Variants in RALGAPA1 observed in about 807,000 individuals in gnomAD.
RALGAPA1 encodes Ral GTPase activating protein catalytic subunit alpha 1, also known as ral GTPase-activating protein subunit alpha-1.
Under a neutral mutation model 269.6 loss-of-function variants are expected in RALGAPA1, and 52 were observed. The ratio of observed to expected loss-of-function variants is 0.19; its 90% CI spans 0.15 to 0.24. The LOEUF is 0.24. Among genes scored for constraint, RALGAPA1 ranks in the 10% least tolerant of loss-of-function variants. The pLI, the probability that RALGAPA1 is intolerant of heterozygous loss-of-function variation, is 1.00. For synonymous variants in RALGAPA1, 817 were observed against 1,008.3 expected, an observed-to-expected ratio of 0.81 and a Z score of 3.60; for missense variants, 1,917 against 3,013.9, an observed-to-expected ratio of 0.64 and a Z score of 8.52.
chr14:35,559,939 A>T (rs1481231280), intron 39 of RALGAPA1, among the ~76,000 whole-genome samples: 1 of 152,232 alleles, frequency 6.6e-6, no homozygotes, highest in African/African-American at 2.4e-5. Context: ...TGCTCTTTTA[A>T]AAATGATACA....
chr14:35,671,528 G>T lies in RALGAPA1; in HGVS notation c.5074-11C>A. 6.9e-7 allele frequency: 1 copy of T among 1,456,702 alleles called. No individual in the cohort carries two copies. The highest frequency in any genetic ancestry group is 9.6e-7 in the Non-Finnish European group (1 of 1,045,108). 90.2% of individuals were successfully genotyped at this position (1,456,702 alleles called of 1,614,324 possible). A position where few individuals can be genotyped will look rare whatever the true frequency, so the allele number is the denominator to read the frequency against. On this transcript the variant is annotated splice_polypyrimidine_tract_variant and intron_variant, in intron 25 of 41. Coordinates refer to ENST00000680220, the MANE Select transcript of RALGAPA1 (RefSeq NM_001346249.2). Reference sequence around the variant, plus strand: ...TGTATTGACAATATCCTTAGAATAAGGAAAGAAGGAAAAAAGAATATCACA... The same window carrying T: ...TGTATTGACAATATCCTTAGAATAATGAAAGAAGGAAAAAAGAATATCACA...
At chr14:35,575,650 AATGGTGCAACCTT>A (rs1423518534) in intron 37 of RALGAPA1, among the ~76,000 whole-genome samples, 1 of 152,158 alleles carries the variant, frequency 6.6e-6, no homozygotes, top group Non-Finnish European at 1.5e-5. Flanking sequence ...GCTGGAGTGC[AATGGTGCAACCTT>A]GGCTCACTGC....
chr14:35,558,754 C>A (rs1371069469), intron 39 of RALGAPA1, among the ~76,000 whole-genome samples: 1 of 152,128 alleles, frequency 6.6e-6, no homozygotes, highest in Non-Finnish European at 1.5e-5. Flanking sequence ...CTGTTCAGAG[C>A]AGTTTGCAAC....
At chr14:35,633,206 T>C (rs944353261) in intron 33 of RALGAPA1, among the ~76,000 whole-genome samples, 1 of 152,174 alleles carries the variant, frequency 6.6e-6, no homozygotes, top group African/African-American at 2.4e-5. Flanking sequence ...TTGTCTTGAA[T>C]AAAAACTGCC....
chr14:35,625,087 C>T (rs1375364167), intron 35 of RALGAPA1, among the ~76,000 whole-genome samples: 3 of 140,624 alleles, frequency 2.1e-5, no homozygotes, highest in Middle Eastern at 3.8e-3. Context: ...CCAGCTACTC[C>T]GGAGGCTGAG....
At chr14:35,635,687 T>A (rs2061623235) in intron 31 of RALGAPA1, 89 bp from the exon 32 acceptor site, 1 of 1,242,918 alleles carries the variant, frequency 8.0e-7, no homozygotes, top group Non-Finnish European at 1.1e-6. Context: ...GTTTCCAAAA[T>A]TTGTTTCTGG....
At chr14:35,756,663 C>T in intron 7 of RALGAPA1, 130 bp downstream of exon 7, 1 of 552,260 alleles carries the variant, frequency 1.8e-6, no homozygotes, top group South Asian at 3.1e-5. Context: ...ATTGACCCTT[C>T]CCCTCCAACC....
At chr14:35,566,059 C>G (rs1036021035) in intron 39 of RALGAPA1, among the ~76,000 whole-genome samples, 1 of 151,896 alleles carries the variant, frequency 6.6e-6, no homozygotes, top group African/African-American at 2.4e-5. Context: ...CTTGGTTTTC[C>G]TCCACAGTGT....
chr14:35,693,240 T>A (rs1368490096), intron 17 of RALGAPA1, among the ~76,000 whole-genome samples: 12 of 151,558 alleles, frequency 7.9e-5, no homozygotes, highest in Non-Finnish European at 1.6e-4. Flanking sequence ...AAAAGAATTT[T>A]AAAAAAACCA....
intron 11 of RALGAPA1, among the ~76,000 whole-genome samples, chr14:35,739,124 A>C (rs2071319885): frequency 1.3e-5 from 2 of 152,192 alleles, no homozygotes; most frequent in Admixed American, 1.3e-4. Flanking sequence ...CAAATCACTG[A>C]GACTACAGCT....
intron 37 of RALGAPA1, among the ~76,000 whole-genome samples, chr14:35,576,768 C>T (rs1272141777): frequency 6.6e-6 from 1 of 152,144 alleles, no homozygotes; most frequent in Non-Finnish European, 1.5e-5. Flanking sequence ...TGAAGTAACT[C>T]GCCTAAGGTC....
chr14:35,560,677 G>C (rs1444642102), intron 39 of RALGAPA1, among the ~76,000 whole-genome samples: 1 of 152,116 alleles, frequency 6.6e-6, no homozygotes, highest in Non-Finnish European at 1.5e-5. Context: ...TAACAGAAAT[G>C]GAAGTTGGCC....
Position 35,753,450 on chromosome 14 carries a change from G to A in RALGAPA1, c.664-1288C>T, listed in dbSNP as rs1567160266. Among the ~76,000 whole-genome samples, 6 of 152,124 alleles carry A rather than the reference G, an allele frequency of 3.9e-5. 1 individual carries two copies. The Middle Eastern group carries it at 0.014, about 345-fold the overall frequency. On this transcript the variant is annotated intron_variant, in intron 7 of 41. Coordinates refer to ENST00000680220, the MANE Select transcript of RALGAPA1 (RefSeq NM_001346249.2). ...AGTAGAAACAACTCAAATACTCATC[G>A]GCTGATGAAGAGATAAACAAAATAC...
chr14:35,749,103 G>A (rs2072431968), intron 9 of RALGAPA1, among the ~76,000 whole-genome samples: 1 of 152,114 alleles, frequency 6.6e-6, no homozygotes, highest in Non-Finnish European at 1.5e-5. Context: ...TAAGTTTGCA[G>A]TTCAAACAAG....
At chr14:35,600,218 C>T (rs28833885) in intron 36 of RALGAPA1, among the ~76,000 whole-genome samples, 100 of 103,282 alleles carry the variant, frequency 9.7e-4, no homozygotes, top group African/African-American at 1.5e-3. Context: ...CCTTTTTTTT[C>T]TTTTTCTTTT....
At chr14:35,710,391 G>A (rs1421016362) in intron 16 of RALGAPA1, among the ~76,000 whole-genome samples, 1 of 152,152 alleles carries the variant, frequency 6.6e-6, no homozygotes, top group Non-Finnish European at 1.5e-5. Flanking sequence ...AAGTAGCTGG[G>A]ACAACGGGCA....
At chr14:35,581,839 C>T (rs2057971437) in intron 37 of RALGAPA1, among the ~76,000 whole-genome samples, 1 of 152,060 alleles carries the variant, frequency 6.6e-6, no homozygotes, top group Non-Finnish European at 1.5e-5. Flanking sequence ...TCTCAGAAAG[C>T]TACATATACA....
intron 21 of RALGAPA1, among the ~76,000 whole-genome samples, chr14:35,679,460 C>T (rs1369682286): frequency 6.6e-6 from 1 of 152,192 alleles, no homozygotes; most frequent in African/African-American, 2.4e-5. Flanking sequence ...CTAGCCTACC[C>T]TAAACATGCT....
intron 1 of RALGAPA1, among the ~76,000 whole-genome samples, chr14:35,793,556 G>A (rs577133839): frequency 6.6e-6 from 1 of 151,914 alleles, no homozygotes; most frequent in African/African-American, 2.4e-5. Context: ...TTTCTATAAT[G>A]TGTACCTTCA....
Sources: allele counts gnomAD v4.1 joint callset (sites outside exome capture counted in the v4.1 genomes callset), GRCh38; gene constraint gnomAD v4.1.1; transcripts MANE v1.5; gene names NCBI Gene and HGNC (gene_info 2026-07-23, HGNC 2026-07-21).